The following RRP9 variants were observed in gnomAD, a reference collection of about 807,000 sequenced individuals.
RRP9 encodes ribosomal RNA processing 9, U3 small nucleolar RNA binding protein.
In RRP9, 35 loss-of-function variants were observed where a neutral mutation model predicts 65.5. That is an observed-to-expected ratio of 0.53 (90% CI 0.41 to 0.71). RRP9 has a LOEUF of 0.71. RRP9 is among the 30% of genes least tolerant of loss of function. The pLI is 0.00. For missense variants in RRP9, 533 were observed against 633.6 expected (o/e 0.84, Z 1.70); for synonymous variants, 254 against 245.0 (o/e 1.04, Z -0.34).
Position 51,935,331 on chromosome 3 carries a change from G to A in RRP9, c.971+11C>T, listed in dbSNP as rs745454650. On this transcript the variant is annotated intron_variant, in intron 10 of 14. Transcript: ENST00000232888. ...CCATGTAGCCCCCACTGGCATGGCA[G>A]GCCACCTTACTGGTGGCCATAGAAG... 1.2e-6 allele frequency: 2 copies of A among 1,614,142 alleles called. No homozygotes were observed. Among genetic ancestry groups the A allele is most frequent in the Non-Finnish European group, 8.5e-7 (1 of 1,180,006 alleles).
intron 8 of RRP9, among the ~76,000 whole-genome samples, chr3:51,936,048 T>C (rs1699455044): frequency 6.6e-6 from 1 of 152,110 alleles, no homozygotes; most frequent in African/African-American, 2.4e-5. Context: ...CTCAAGGCCC[T>C]CGTTGATTCC....
Position 51,933,436 on chromosome 3 carries a change from AGAG to A in RRP9, c.*67_*69del, listed in dbSNP as rs1699409637. ...GAAGCTACAAGAAACAAGGCCCAAA[AGAG>A]GAGGCTTTTAATACAAAGAGGGTGG... is the stretch of plus-strand genomic sequence containing the variant. On this transcript the variant is annotated 3_prime_UTR_variant, in exon 15 of 15. Transcript: ENST00000232888. The A allele has an allele frequency of 7.4e-7, 1 of 1,350,504 alleles. No homozygotes were observed. The highest frequency in any genetic ancestry group is 1.0e-6 in the Non-Finnish European group (1 of 956,802). The allele number at this position is 1,350,504 out of a possible 1,614,324, so 83.7% of individuals were successfully genotyped here. A position where few individuals can be genotyped will look rare whatever the true frequency, so the allele number is the denominator to read the frequency against.
chr3:51,933,641 C>T, intron 14 of RRP9, 42 bp from the exon 15 acceptor site: 2 of 1,610,946 alleles, frequency 1.2e-6, no homozygotes, highest in South Asian at 2.2e-5. Context: ...GGCCCAGTCT[C>T]CACCCCATTT....
chr3:51,938,063 C>T, intron 3 of RRP9, 32 bp downstream of exon 3: 1 of 1,532,050 alleles, frequency 6.5e-7, no homozygotes, highest in South Asian at 1.2e-5. Flanking sequence ...AGGCAGAAGC[C>T]CTGCCCATGG....
In RRP9 at chr3:51,935,228, C is replaced by T. The variant is rs776114603; in HGVS notation, c.1003G>A (p.Glu335Lys). The T allele has an allele frequency of 1.2e-6, 2 of 1,614,196 alleles. No individual in the cohort carries two copies. Among genetic ancestry groups the T allele is most frequent in the Admixed American group, 3.3e-5 (2 of 60,026 alleles). Reference sequence around the variant, plus strand: ...TCCGCGCCGGACACCATGTGCTCCTCATTGATTAGGTGGATGCAGTCGATG... The same window carrying T: ...TCCGCGCCGGACACCATGTGCTCCTTATTGATTAGGTGGATGCAGTCGATG... ...GSIDCIHLIN[E>K]EHMVSGADDG... Residue 335 changes from glutamate (E) to lysine (K), a missense_variant, in exon 11 of 15, where the codon GAG becomes AAG. Glu to Lys is a moderately conservative substitution (Grantham distance 56). This residue lies in a region of RRP9 where 449 missense variants were observed against 550.6 expected (regional missense o/e 0.82). Transcript: ENST00000232888.
chr3:51,934,606 C>A lies in RRP9; in HGVS notation c.1180+25G>T. On this transcript the variant is annotated intron_variant, in intron 12 of 14. Transcript: ENST00000232888. The surrounding 1 kb of genome is among the most constrained non-coding windows in gnomAD (Gnocchi z 4.1). ...TGCACCGGCCCACCCGGCGACCCCTCCTCCCTGCCTCTCAGGGCACCCACC... is the reference window on the plus strand; with the variant it reads ...TGCACCGGCCCACCCGGCGACCCCTACTCCCTGCCTCTCAGGGCACCCACC... The A allele has an allele frequency of 6.2e-7, 1 of 1,613,888 alleles. No individual in the cohort carries two copies. Among genetic ancestry groups the A allele is most frequent in the Non-Finnish European group, 8.5e-7 (1 of 1,179,846 alleles).
rs760375775 is a variant in RRP9 at position 51,934,744 on chromosome 3, C to T, written c.1067G>A (p.Arg356Gln). The T allele has an allele frequency of 3.1e-6, 5 of 1,613,978 alleles. No individual in the cohort carries two copies. The highest frequency in any genetic ancestry group is 2.2e-5 in the East Asian group (1 of 44,876). Residue 356 changes from arginine to glutamine, a missense_variant, in exon 12 of 15, where the codon CGA becomes CAA. Transcript: ENST00000232888. This position sits in a 1 kb window ranked among gnomAD's most constrained non-coding sequence, Gnocchi z 4.1. ...AGCTTCACGCTGCAGGGCAAGTGGT[C>T]GCTTCTTGGAGAGACCCCACAAGGC... ...SVALWGLSKK[R>Q]PLALQREAHG...
rs749458573 is a variant in RRP9 at position 51,934,431 on chromosome 3, T to C, written c.1260+41A>G. 6.3e-7 allele frequency: 1 copy of C among 1,582,170 alleles called. No individual in the cohort carries two copies. Among genetic ancestry groups the C allele is most frequent in the Non-Finnish European group, 8.6e-7 (1 of 1,159,208 alleles). On this transcript the variant is annotated intron_variant, in intron 13 of 14. Transcript: ENST00000232888. The surrounding 1 kb of genome is among the most constrained non-coding windows in gnomAD (Gnocchi z 4.1). Reference sequence around the variant, plus strand: ...GAGCTAACTCCAGGGGCCTAGGCAGTGTGGCAGAGACAGGCTGAGCATTCA... The same window carrying C: ...GAGCTAACTCCAGGGGCCTAGGCAGCGTGGCAGAGACAGGCTGAGCATTCA...
chr3:51,941,011 C>T (rs1385878218), intron 2 of RRP9, among the ~76,000 whole-genome samples: 1 of 152,222 alleles, frequency 6.6e-6, no homozygotes, highest in East Asian at 1.9e-4. Flanking sequence ...CACCCGCCTG[C>T]CTATCTCTGC....
rs1699424223 is a variant in RRP9, at chr3:51,934,154, TGTG to T, written c.1260+315_1260+317del. On this transcript the variant is annotated intron_variant, in intron 13 of 14. Coordinates refer to ENST00000232888, the MANE Select transcript of RRP9 (RefSeq NM_004704.5). The surrounding 1 kb of genome is among the most constrained non-coding windows in gnomAD (Gnocchi z 4.1). Reference sequence around the variant, plus strand: ...GCCACCCTCCCCCAGGTCACCCTAGTGTGGACAGTGAGGTCCACACCCTCTAGC... The same window carrying T: ...GCCACCCTCCCCCAGGTCACCCTAGTGACAGTGAGGTCCACACCCTCTAGC... Among the ~76,000 whole-genome samples the T allele has an allele frequency of 6.6e-6, 1 of 152,166 alleles. No homozygotes were observed. The highest frequency in any genetic ancestry group is 2.1e-4 in the South Asian group (1 of 4,834).
chr3:51,935,485 C>T lies in RRP9; in HGVS notation c.837-9G>A. On this transcript the variant is annotated splice_polypyrimidine_tract_variant and intron_variant, in intron 9 of 14. Coordinates refer to ENST00000232888, the MANE Select transcript of RRP9 (RefSeq NM_004704.5). The stretch of plus-strand genomic sequence containing the variant: ...CGTCCTGGTGTCCGAAGCTAGAGGG[C>T]CGGGCAGAGCAGGATAGTGGGGATA... 1.9e-6 allele frequency: 3 copies of T among 1,614,066 alleles called. No individual in the cohort carries two copies. The highest frequency in any genetic ancestry group is 2.5e-6 in the Non-Finnish European group (3 of 1,180,020).
chr3:51,935,048 C>A, intron 11 of RRP9, 149 bp downstream of exon 11: 1 of 874,250 alleles, frequency 1.1e-6, no homozygotes, highest in Non-Finnish European at 1.8e-6. Context: ...ACAAGGCCAT[C>A]TGAGCTCTCT....
rs771985037 is a variant in RRP9 at position 51,935,377 on chromosome 3, G to T, written c.936C>A (p.Ile312=). The change falls in exon 10 of 15, where the codon ATC becomes ATA. Residue 312 remains isoleucine, a synonymous_variant. Transcript: ENST00000232888. ...GRDGTVRVWK[I]PEESQLVFYG... is the part of the protein sequence containing the mutation. Reference sequence around the variant, plus strand: ...AGAAGACAAGCTGGGACTCCTCGGGGATCTTCCACACACGTACAGTCCCAT... The same window carrying T: ...AGAAGACAAGCTGGGACTCCTCGGGTATCTTCCACACACGTACAGTCCCAT... The T allele has an allele frequency of 6.2e-7, 1 of 1,614,022 alleles. No individual in the cohort carries two copies. The highest frequency in any genetic ancestry group is 1.7e-5 in the Admixed American group (1 of 60,008).
chr3:51,934,715 C>G lies in RRP9; in HGVS notation c.1096G>C (p.Gly366Arg), dbSNP rs778116714. 1.2e-6 allele frequency: 2 copies of G among 1,614,002 alleles called. No individual in the cohort carries two copies. The highest frequency in any genetic ancestry group is 2.7e-5 in the African/African-American group (2 of 74,918). Residue 366 changes from glycine (G) to arginine (R), a missense_variant, in exon 12 of 15, where the codon GGG becomes CGG. Physicochemically the swap from Gly to Arg is moderately radical, Grantham distance 125 (BLOSUM62 -2). This residue lies in a region of RRP9 where 449 missense variants were observed against 550.6 expected (regional missense o/e 0.82). Coordinates refer to ENST00000232888, the MANE Select transcript of RRP9 (RefSeq NM_004704.5). This position sits in a 1 kb window ranked among gnomAD's most constrained non-coding sequence, Gnocchi z 4.1. ...RPLALQREAH[G>R]LRGEPGLEQP... ...TCCAGGCCTGGCTCTCCCCGCAGCC[C>G]GTGAGCTTCACGCTGCAGGGCAAGT...
chr3:51,941,862 C>T lies in RRP9; in HGVS notation c.6G>A (p.Ser2=), dbSNP rs764316505. 50 of 1,580,686 alleles carry T rather than the reference C, an allele frequency of 3.2e-5. 1 individual carries two copies. The South Asian group carries it at 3.8e-4, about 12-fold the overall frequency. ...CCCGCTTACGAGCAGCCGCTGTTGC[C>T]GACATGCTGCCCACCAGGCGTGTAG... M[S]ATAAARKRGK... is the part of the protein sequence containing the mutation. Residue 2 remains serine (S), a synonymous_variant, in exon 1 of 15, where the codon TCG becomes TCA. Coordinates refer to ENST00000232888, the MANE Select transcript of RRP9 (RefSeq NM_004704.5).
Position 51,934,390 on chromosome 3 carries a change from G to A in RRP9, c.1260+82C>T. On this transcript the variant is annotated intron_variant, in intron 13 of 14. Transcript: ENST00000232888. The surrounding 1 kb of genome is among the most constrained non-coding windows in gnomAD (Gnocchi z 4.1). ...CCCTGAGAAGGTTCCCTTCTGGCAG[G>A]AAGAAAGACCTTAAAGAGCTAACTC... The A allele has an allele frequency of 7.0e-7, 1 of 1,426,338 alleles. No individual in the cohort carries two copies. The highest frequency in any genetic ancestry group is 9.6e-7 in the Non-Finnish European group (1 of 1,046,714). 88.4% of individuals were successfully genotyped at this position (1,426,338 alleles called of 1,614,324 possible). A position where few individuals can be genotyped will look rare whatever the true frequency, so the allele number is the denominator to read the frequency against.
chr3:51,936,317 A>G lies in RRP9; in HGVS notation c.675T>C (p.Ile225=). Residue 225 remains isoleucine (I), a synonymous_variant, in exon 8 of 15, where the codon ATT becomes ATC. Coordinates refer to ENST00000232888, the MANE Select transcript of RRP9 (RefSeq NM_004704.5). The part of the protein sequence containing the change: ...ASGDRSKLIL[I]WEAQSCQHLY... Reference sequence around the variant, plus strand: ...AGTGCTGGCAGCTCTGGGCCTCCCAAATGAGAATGAGCTTGCTGCGGTCAC... The same window carrying G: ...AGTGCTGGCAGCTCTGGGCCTCCCAGATGAGAATGAGCTTGCTGCGGTCAC... 6.2e-7 allele frequency: 1 copy of G among 1,614,098 alleles called. No homozygotes were observed. Among genetic ancestry groups the G allele is most frequent in the Non-Finnish European group, 8.5e-7 (1 of 1,180,004 alleles).
intron 8 of RRP9, 65 bp downstream of exon 8, chr3:51,936,192 G>A (rs1699456751): frequency 6.8e-7 from 1 of 1,466,556 alleles, no homozygotes; most frequent in Non-Finnish European, 9.6e-7. Context: ...CCAGAGGCCA[G>A]CACTGAGCCT....
At chr3:51,938,847 C>T (rs1230413399) in intron 2 of RRP9, among the ~76,000 whole-genome samples, 1 of 152,142 alleles carries the variant, frequency 6.6e-6, no homozygotes, top group Non-Finnish European at 1.5e-5. Flanking sequence ...GATCCAAGGA[C>T]CCACCAGGCA....
Sources: allele counts gnomAD v4.1 joint callset (sites outside exome capture counted in the v4.1 genomes callset), GRCh38; gene constraint gnomAD v4.1.1; regional missense constraint gnomAD v4.1.1; non-coding constraint Gnocchi (gnomAD v3.1); transcripts MANE v1.5; gene names NCBI Gene and HGNC (gene_info 2026-07-23, HGNC 2026-07-21).